The following YIPF6 variants were observed in gnomAD, a reference collection of about 807,000 sequenced individuals.
The protein encoded by YIPF6 is protein YIPF6.
YIPF6 carries 3 observed loss-of-function variants against 16.8 expected under a neutral mutation model. That is an observed-to-expected ratio of 0.18 (90% CI 0.08 to 0.46). The LOEUF (loss-of-function observed/expected upper bound fraction) is 0.46. YIPF6 is among the 20% of genes least tolerant of loss of function. The pLI, the probability that YIPF6 is intolerant of heterozygous loss-of-function variation, is 0.98. For synonymous variants in YIPF6, 67 were observed against 61.9 expected, an observed-to-expected ratio of 1.08 and a Z score of -0.38; for missense variants, 145 against 184.9, an observed-to-expected ratio of 0.78 and a Z score of 1.25.
chrX:68,529,923 G>A (rs1442369071), intron 6 of YIPF6, among the ~76,000 whole-genome samples: 3 of 111,913 alleles, frequency 2.7e-5, no homozygotes, highest in Non-Finnish European at 1.9e-5. Flanking sequence ...CCCCTGCTGG[G>A]AGGTGTCTCC....
rs1215747951 is a variant in YIPF6 at position 68,535,343 on chromosome X, G to C, written c.*3344G>C. On this transcript the variant is annotated 3_prime_UTR_variant, in exon 7 of 7. Transcript: ENST00000462683. ...ATAATGTAACTACTAACAGTATTTG[G>C]ACTGCCTGTTCATTCCTGGAGACAA... 1 of 112,090 alleles carries C rather than the reference G, an allele frequency of 8.9e-6. No individual in the cohort carries two copies. Among genetic ancestry groups the C allele is most frequent in the African/African-American group, 3.2e-5 (1 of 30,853 alleles). The allele number at this position is 112,090 out of a possible 1,213,427, so 9.2% of individuals were successfully genotyped here.
intron 1 of YIPF6, among the ~76,000 whole-genome samples, chrX:68,505,540 G>C (rs1360405551): frequency 8.9e-6 from 1 of 112,361 alleles, no homozygotes; most frequent in Non-Finnish European, 1.9e-5. Context: ...CAGTAAAGTG[G>C]TGAGAAGGCC....
chrX:68,518,699 A>T, intron 3 of YIPF6, 71 bp from the exon 4 acceptor site: 1 of 1,116,002 alleles, frequency 9.0e-7, no homozygotes. Flanking sequence ...GAATTCTAGG[A>T]GGGAGAGAGG....
chrX:68,523,421 G>T (rs1429871701), intron 6 of YIPF6, among the ~76,000 whole-genome samples: 1 of 111,764 alleles, frequency 8.9e-6, no homozygotes, highest in Non-Finnish European at 1.9e-5. Flanking sequence ...TGAGCAGCTT[G>T]CCCTAGGTTG....
intron 6 of YIPF6, among the ~76,000 whole-genome samples, chrX:68,528,460 T>A (rs1196731690): frequency 8.9e-6 from 1 of 112,153 alleles, no homozygotes; most frequent in Non-Finnish European, 1.9e-5. Flanking sequence ...GTCTTTTAAT[T>A]GGGGCATTTA....
At chrX:68,512,026 G>A (rs1569324569) in intron 2 of YIPF6, 49 bp downstream of exon 2, 1 of 1,099,554 alleles carries the variant, frequency 9.1e-7, no homozygotes, top group East Asian at 3.1e-5. Flanking sequence ...ATGGGACTAA[G>A]TAACTAATAG....
chrX:68,509,077 G>A (rs144606625), intron 1 of YIPF6, among the ~76,000 whole-genome samples: 1 of 108,936 alleles, frequency 9.2e-6, no homozygotes, highest in Non-Finnish European at 1.9e-5. Context: ...TAGGGGTGGG[G>A]GTGCTATGTT....
chrX:68,510,595 TTTTATTTA>T (rs200309638), intron 1 of YIPF6: 4 of 96,858 alleles, frequency 4.1e-5, no homozygotes, highest in African/African-American at 1.9e-4. Flanking sequence ...ATTTTATTTA[TTTTATTTA>T]TTTATTTATT....
At chrX:68,509,174 A>G (rs1314623083) in intron 1 of YIPF6, among the ~76,000 whole-genome samples, 1 of 107,679 alleles carries the variant, frequency 9.3e-6, no homozygotes, top group East Asian at 2.9e-4. Flanking sequence ...CAATGGCGTG[A>G]TCATATCTTA....
intron 1 of YIPF6, among the ~76,000 whole-genome samples, chrX:68,505,701 G>A (rs933299183): frequency 8.0e-5 from 9 of 111,976 alleles, no homozygotes; most frequent in African/African-American, 2.3e-4. Flanking sequence ...ATGAAGAGTA[G>A]CATAATGAAC....
chrX:68,504,403 A>G (rs1255915271), intron 1 of YIPF6, among the ~76,000 whole-genome samples: 1 of 108,597 alleles, frequency 9.2e-6, no homozygotes, highest in African/African-American at 3.4e-5. Context: ...AAAGCCCCAA[A>G]CCTCTAGTCA....
intron 6 of YIPF6, among the ~76,000 whole-genome samples, chrX:68,525,780 A>G (rs145504525): frequency 1.9e-3 from 207 of 111,808 alleles, no homozygotes; most frequent in African/African-American, 6.5e-3. Flanking sequence ...GGCTTGTCAA[A>G]GATCAGATGA....
chrX:68,509,086 TTG>T (rs766046777), intron 1 of YIPF6, among the ~76,000 whole-genome samples: 4 of 109,517 alleles, frequency 3.7e-5, no homozygotes, highest in African/African-American at 6.6e-5. Context: ...GGGTGCTATG[TTG>T]TCCCAGTGTT....
intron 1 of YIPF6, among the ~76,000 whole-genome samples, chrX:68,500,858 CCA>C (rs2079038688): frequency 8.9e-6 from 1 of 111,870 alleles, no homozygotes; most frequent in African/African-American, 3.3e-5. Context: ...AGGCTGAACC[CCA>C]GTTTCCTCCT....
intron 1 of YIPF6, among the ~76,000 whole-genome samples, chrX:68,508,831 A>G (rs149325206): frequency 3.9e-4 from 44 of 112,015 alleles, no homozygotes; most frequent in African/African-American, 1.2e-3. Flanking sequence ...GCTTTGTCTC[A>G]TAGTGGGTTG....
At position 68,510,599 on chromosome X, in the gene YIPF6, A is replaced by AT. The variant is rs1262340762; in HGVS notation, c.58-1247dup. 1.4e-3 allele frequency: 105 copies of AT among 73,694 alleles called. 1 individual carries two copies. The highest frequency in any genetic ancestry group is 9.5e-3 in the African/African-American group (104 of 10,901). The allele number at this position is 73,694 out of a possible 1,213,427, so 6.1% of individuals were successfully genotyped here. ...TTATATTTTATATTTTATTTATTTT[A>AT]TTTATTTATTTATTTGTTTATTTTT... On this transcript the variant is annotated intron_variant, in intron 1 of 6. Transcript: ENST00000462683.
chrX:68,521,424 G>T lies in YIPF6; in HGVS notation c.361G>T (p.Ala121Ser). 2.5e-6 allele frequency: 3 copies of T among 1,211,186 alleles called. No individual in the cohort carries two copies. Among genetic ancestry groups the T allele is most frequent in the Non-Finnish European group, 3.4e-6 (3 of 895,147 alleles). Residue 121 changes from alanine (A) to serine (S), a missense_variant, in exon 5 of 7, where the codon GCA becomes TCA. By Grantham distance (99) the Ala-to-Ser change is moderately conservative. Transcript: ENST00000462683. Reference sequence around the variant, plus strand: ...TGAAAAAGATGGAGGGCCCCAATTTGCAGAGGTGTTTGTCATTGTCTGGTT... The same window carrying T: ...TGAAAAAGATGGAGGGCCCCAATTTTCAGAGGTGTTTGTCATTGTCTGGTT... Reference protein sequence around the residue: ...DSEKDGGPQFAEVFVIVWFGA... With the variant: ...DSEKDGGPQFSEVFVIVWFGA...
At chrX:68,528,053 C>T (rs925220431) in intron 6 of YIPF6, among the ~76,000 whole-genome samples, 2 of 111,364 alleles carry the variant, frequency 1.8e-5, no homozygotes, top group African/African-American at 6.5e-5. Context: ...TTTTCTGTCT[C>T]GTCTATCTGT....
In YIPF6 at chrX:68,511,929, C is replaced by T; in HGVS notation, c.138C>T (p.Ile46=). 1 of 1,210,398 alleles carries T rather than the reference C, an allele frequency of 8.3e-7. No homozygotes were observed. Among genetic ancestry groups the T allele is most frequent in the Non-Finnish European group, 1.1e-6 (1 of 895,048 alleles). The change falls in exon 2 of 7, where the codon ATC becomes ATT. Residue 46 remains isoleucine (I), a synonymous_variant. Coordinates refer to ENST00000462683, the MANE Select transcript of YIPF6 (RefSeq NM_173834.4). The part of the protein sequence containing the change: ...GEITIPMRSR[I]REFDSSTLNE... ...TCACCATTCCTATGAGATCTCGCAT[C>T]CGGGAGTTTGACAGCTCCACATTAA...
Sources: gnomAD v4.1 joint callset for allele counts (sites outside exome capture counted in the v4.1 genomes callset) on GRCh38, gnomAD v4.1.1 for gene constraint, MANE v1.5 for transcripts, NCBI Gene and HGNC (gene_info 2026-07-23, HGNC 2026-07-21) for gene names.